Variants in SNX8 observed in about 807,000 individuals in gnomAD.
SNX8 encodes the protein sorting nexin 8, also known as sorting nexin-8.
In SNX8, 25 loss-of-function variants were observed where a neutral mutation model predicts 51.6. That is an observed-to-expected ratio of 0.48 (90% CI 0.35 to 0.68). SNX8 has a LOEUF of 0.68. SNX8 is among the 30% of genes least tolerant of loss of function. The probability of loss-of-function intolerance (pLI) is 0.00; values close to 1 mark genes in which losing one functional copy is unlikely to be tolerated. For synonymous variants in SNX8, 324 were observed against 277.0 expected (o/e 1.17, Z -1.68); for missense variants, 695 against 624.0 (o/e 1.11, Z -1.21).
chr7:2,308,049 G>C (rs986862896), intron 1 of SNX8: 1 of 150,988 alleles, frequency 6.6e-6, no homozygotes, highest in Non-Finnish European at 1.5e-5. Context: ...GTATGTGTGC[G>C]TGTGTGTGTG....
chr7:2,299,516 T>C (rs1796347214), intron 1 of SNX8: 1 of 152,146 alleles, frequency 6.6e-6, no homozygotes, highest in Non-Finnish European at 1.5e-5. Flanking sequence ...CGGGAATGTT[T>C]ATCTGAGGGG....
Position 2,255,177 on chromosome 7 carries a change from G to A in SNX8, c.1285-8C>T. On this transcript the variant is annotated splice_polypyrimidine_tract_variant and splice_region_variant and intron_variant, in intron 10 of 10. Coordinates refer to ENST00000222990, the MANE Select transcript of SNX8 (RefSeq NM_013321.4). ...GTTCCACACCTTGCTCATCTGAAAG[G>A]GAAGCGAAGAGAACAAGATCAGCAG... 6.6e-7 allele frequency: 1 copy of A among 1,517,110 alleles called. No homozygotes were observed. The highest frequency in any genetic ancestry group is 8.9e-7 in the Non-Finnish European group (1 of 1,122,212). 94.0% of individuals were successfully genotyped at this position (1,517,110 alleles called of 1,614,324 possible). A position where few individuals can be genotyped will look rare whatever the true frequency, so the allele number is the denominator to read the frequency against.
In SNX8 at chr7:2,294,096, T is replaced by C. The variant is rs1333490928; in HGVS notation, c.95-15791A>G. 7.3e-5 allele frequency among the ~76,000 whole-genome samples: 11 copies of C among 151,658 alleles called. No individual in the cohort carries two copies. In the East Asian group the frequency reaches 2.0e-3, roughly 27 times the overall value. On this transcript the variant is annotated intron_variant, in intron 1 of 10. Coordinates refer to ENST00000222990, the MANE Select transcript of SNX8 (RefSeq NM_013321.4). The stretch of plus-strand genomic sequence containing the variant: ...GGCCAACATAGTGAAACCCTGTCTC[T>C]ACTAGAAATACAAAAAATTAGCTGG...
chr7:2,348,100 A>C (rs934706893), intron 1 of SNX8, among the ~76,000 whole-genome samples: 1 of 152,136 alleles, frequency 6.6e-6, no homozygotes, highest in Non-Finnish European at 1.5e-5. Context: ...CTACTATGTA[A>C]GGAATTTAAA....
Position 2,254,404 on chromosome 7 carries a change from GC to G in SNX8, c.*651del, listed in dbSNP as rs1191717080. 6.5e-6 allele frequency: 1 copy of G among 154,048 alleles called. No individual in the cohort carries two copies. The highest frequency in any genetic ancestry group is 2.4e-5 in the African/African-American group (1 of 41,460). 9.5% of individuals were successfully genotyped at this position (154,048 alleles called of 1,614,324 possible). ...TCTCCGTCACGCCTTTGTCTTCCAG[GC>G]CTGGGCACACACAGGGTCATGGTGT... On this transcript the variant is annotated 3_prime_UTR_variant, in exon 11 of 11. Coordinates refer to ENST00000222990, the MANE Select transcript of SNX8 (RefSeq NM_013321.4).
rs556555928 is a variant in SNX8, at chr7:2,302,635, G to GC, written c.94+11692dup. Among the ~76,000 whole-genome samples, 351 of 151,802 alleles carry GC rather than the reference G, an allele frequency of 2.3e-3. 3 individuals carry two copies. Among genetic ancestry groups the GC allele is most frequent in the Non-Finnish European group, 3.4e-3 (234 of 67,962 alleles). On this transcript the variant is annotated intron_variant, in intron 1 of 10. Transcript: ENST00000222990. ...AAGTGAGGAGCGTCTCTGCCCAGCT[G>GC]CCACCCCATCTAGGAAGTGAGGAGC...
intron 1 of SNX8, among the ~76,000 whole-genome samples, chr7:2,296,933 A>G (rs1796285936): frequency 6.6e-6 from 1 of 151,956 alleles, no homozygotes; most frequent in African/African-American, 2.4e-5. Flanking sequence ...TCTGTCTCAA[A>G]AAAGAAAAAA....
intron 1 of SNX8, among the ~76,000 whole-genome samples, chr7:2,285,265 T>C (rs1357344438): frequency 6.6e-6 from 1 of 150,596 alleles, no homozygotes; most frequent in Non-Finnish European, 1.5e-5. Flanking sequence ...GGCGGGCGCC[T>C]GTAGTCCCAG....
intron 1 of SNX8, among the ~76,000 whole-genome samples, chr7:2,346,737 C>CAAAAAAAAA (rs143462126): frequency 6.6e-5 from 3 of 45,324 alleles, no homozygotes; most frequent in Non-Finnish European, 1.2e-4. Flanking sequence ...GACTCCGTCT[C>CAAAAAAAAA]AAAAAAAAAA....
At chr7:2,294,306 G>A (rs1454967344) in intron 1 of SNX8, among the ~76,000 whole-genome samples, 6 of 151,770 alleles carry the variant, frequency 4.0e-5, no homozygotes, top group African/African-American at 1.5e-4. Context: ...AAAAAAAGAT[G>A]CTCAACCACA....
intron 1 of SNX8, among the ~76,000 whole-genome samples, chr7:2,347,797 C>T (rs1270332027): frequency 4.0e-5 from 6 of 151,882 alleles, no homozygotes; most frequent in African/African-American, 1.5e-4. Flanking sequence ...AGGCGTGTGC[C>T]ACCACAGCCA....
At chr7:2,306,611 A>G (rs1796550259) in intron 1 of SNX8, among the ~76,000 whole-genome samples, 1 of 152,216 alleles carries the variant, frequency 6.6e-6, no homozygotes, top group African/African-American at 2.4e-5. Context: ...GAAAAATGTC[A>G]AGTGAAAGGA....
intron 1 of SNX8, among the ~76,000 whole-genome samples, chr7:2,321,906 T>C (rs976481649): frequency 2.0e-5 from 3 of 151,696 alleles, no homozygotes; most frequent in Non-Finnish European, 4.4e-5. Flanking sequence ...GTATTTTTAG[T>C]AGAGACAAGC....
chr7:2,303,985 A>C (rs1418875151), intron 1 of SNX8, among the ~76,000 whole-genome samples: 3 of 150,026 alleles, frequency 2.0e-5, no homozygotes, highest in Admixed American at 6.7e-5. Context: ...AATAAAAAAA[A>C]ATAAAAACTT....
chr7:2,283,068 C>G (rs1021812549), intron 1 of SNX8, among the ~76,000 whole-genome samples: 1 of 151,496 alleles, frequency 6.6e-6, no homozygotes, highest in Non-Finnish European at 1.5e-5. Flanking sequence ...TTGCAGTGAG[C>G]AGAGATCGCG....
chr7:2,351,914 T>A (rs891934490), intron 1 of SNX8, among the ~76,000 whole-genome samples: 1 of 146,522 alleles, frequency 6.8e-6, no homozygotes, highest in Admixed American at 6.8e-5. Context: ...GGTTTTTTTT[T>A]TTTTTTTTTT....
At chr7:2,296,066 C>G (rs1464620298) in intron 1 of SNX8, among the ~76,000 whole-genome samples, 1 of 152,140 alleles carries the variant, frequency 6.6e-6, no homozygotes, top group Non-Finnish European at 1.5e-5. Flanking sequence ...TTTTCGGGCT[C>G]ATTGTTTCCA....
Position 2,254,234 on chromosome 7 carries a change from GC to G in SNX8, c.*821del. The G allele has an allele frequency of 1.3e-5, 2 of 152,758 alleles. No individual in the cohort carries two copies. The highest frequency in any genetic ancestry group is 2.9e-5 in the Non-Finnish European group (2 of 68,502). The allele number at this position is 152,758 out of a possible 1,614,324, so 9.5% of individuals were successfully genotyped here. A position where few individuals can be genotyped will look rare whatever the true frequency, so the allele number is the denominator to read the frequency against. ...TAAAGCCTCAGCTGGAATGGAACAC[GC>G]CCCCCCACGCCCCCACCTGTCCTCT... On this transcript the variant is annotated 3_prime_UTR_variant, in exon 11 of 11. Transcript: ENST00000222990.
upstream of SNX8, among the ~76,000 whole-genome samples, chr7:2,314,967 C>T (rs1482063274): frequency 2.0e-5 from 3 of 152,088 alleles, no homozygotes; most frequent in Non-Finnish European, 4.4e-5. Context: ...CAGCCACTCA[C>T]TCACTCACTG....
Sources: gnomAD v4.1 joint callset for allele counts (sites outside exome capture counted in the v4.1 genomes callset) on GRCh38, gnomAD v4.1.1 for gene constraint, MANE v1.5 for transcripts, NCBI Gene and HGNC (gene_info 2026-07-23, HGNC 2026-07-21) for gene names.